KLF12: variants seen among roughly 807,000 people sequenced by gnomAD.
KLF12 encodes the protein KLF transcription factor 12.
KLF12 carries 9 observed loss-of-function variants against 37.8 expected under a neutral mutation model. The observed-to-expected ratio is 0.24, with a 90% CI of 0.14 to 0.42. The LOEUF (loss-of-function observed/expected upper bound fraction) is 0.42, where lower values mean the gene tolerates loss of function less well. Ranked by LOEUF, KLF12 falls within the 10% of genes least tolerant of loss-of-function variation. KLF12 has a pLI of 1.00. For synonymous variants in KLF12, 208 were observed against 202.1 expected (o/e 1.03, Z -0.25); for missense variants, 411 against 516.0 (o/e 0.80, Z 1.97).
chr13:74,295,367 A>G, the KLF12 span, among the ~76,000 whole-genome samples: 35 of 152,208 alleles, frequency 2.3e-4, no homozygotes, highest in African/African-American at 8.4e-4. Context: ...CTTTCCCAAT[A>G]TATCTGTGGA....
chr13:73,983,962 C>A (rs894969880), intron 2 of KLF12, among the ~76,000 whole-genome samples: 1 of 152,198 alleles, frequency 6.6e-6, no homozygotes, highest in African/African-American at 2.4e-5. Flanking sequence ...CATGTGGAGA[C>A]GTCCATTCAT....
intron 3 of KLF12, among the ~76,000 whole-genome samples, chr13:73,875,608 A>G (rs2138907854): frequency 6.6e-6 from 1 of 152,210 alleles, no homozygotes; most frequent in East Asian, 1.9e-4. Context: ...TGTTTATTCC[A>G]TTTACCCTAT....
chr13:73,788,450 T>C (rs1027958646), intron 5 of KLF12, among the ~76,000 whole-genome samples: 3 of 152,146 alleles, frequency 2.0e-5, no homozygotes, highest in African/African-American at 4.8e-5. Context: ...ACAATAAATA[T>C]ACCTACCTCT....
At chr13:73,904,469 CTTTTTTTTTTT>C (rs11342071) in intron 3 of KLF12, among the ~76,000 whole-genome samples, 2 of 92,030 alleles carry the variant, frequency 2.2e-5, no homozygotes, top group African/African-American at 9.0e-5. Context: ...TCTTTCTTTC[CTTTTTTTTTTT>C]TTTTTTTTTT....
intron 3 of KLF12, among the ~76,000 whole-genome samples, chr13:73,889,853 C>A (rs17286391): frequency 0.024 from 3,611 of 152,104 alleles, 63 homozygotes; most frequent in Admixed American, 0.035. Context: ...TATAACCATG[C>A]TTTTCCAAAC....
chr13:73,765,907 G>T (rs1879881221), intron 5 of KLF12, among the ~76,000 whole-genome samples: 1 of 152,134 alleles, frequency 6.6e-6, no homozygotes, highest in East Asian at 1.9e-4. Context: ...ATATAAAACT[G>T]GTCTTAAAGT....
intron 1 of KLF12, among the ~76,000 whole-genome samples, chr13:74,098,778 C>T (rs1159683778): frequency 6.6e-6 from 1 of 152,164 alleles, no homozygotes; most frequent in Non-Finnish European, 1.5e-5. Context: ...ATAGGCTTAA[C>T]ATTTTTTAGA....
chr13:73,938,035 G>A (rs1042146419), intron 3 of KLF12, among the ~76,000 whole-genome samples: 3 of 152,178 alleles, frequency 2.0e-5, no homozygotes, highest in African/African-American at 4.8e-5. Flanking sequence ...CAGGTCATCA[G>A]AGAATATTAA....
intron 3 of KLF12, among the ~76,000 whole-genome samples, chr13:73,872,696 T>C (rs1886526788): frequency 6.6e-6 from 1 of 152,250 alleles, no homozygotes; most frequent in Non-Finnish European, 1.5e-5. Context: ...GAATCTATTC[T>C]AACTGATCGG....
intron 2 of KLF12, among the ~76,000 whole-genome samples, chr13:73,952,744 C>A (rs1477360810): frequency 6.6e-6 from 1 of 152,042 alleles, no homozygotes; most frequent in Non-Finnish European, 1.5e-5. Context: ...CAGGTGGTGA[C>A]GAGTCATGAA....
intron 3 of KLF12, among the ~76,000 whole-genome samples, chr13:73,857,787 GCAAAGA>G (rs1475857220): frequency 6.6e-6 from 1 of 152,160 alleles, no homozygotes; most frequent in Non-Finnish European, 1.5e-5. Context: ...TTTTAAAGGT[GCAAAGA>G]ACAGAGACCT....
chr13:74,203,548 T>C, the KLF12 span, among the ~76,000 whole-genome samples: 1 of 152,072 alleles, frequency 6.6e-6, no homozygotes, highest in Non-Finnish European at 1.5e-5. Flanking sequence ...AAAAAGGTAA[T>C]GCTTATGAAT....
intron 3 of KLF12, among the ~76,000 whole-genome samples, chr13:73,908,032 G>C (rs1404282978): frequency 3.9e-5 from 6 of 152,110 alleles, no homozygotes; most frequent in Non-Finnish European, 8.8e-5. Context: ...TTAACTGCCT[G>C]ACTTAGTCTA....
intron 1 of KLF12, among the ~76,000 whole-genome samples, chr13:74,035,261 C>T (rs1893218350): frequency 6.6e-6 from 1 of 152,182 alleles, no homozygotes; most frequent in Non-Finnish European, 1.5e-5. Context: ...ATGCCTAATA[C>T]AATGCAGATG....
At chr13:74,058,517 G>A (rs1006978144) in intron 1 of KLF12, among the ~76,000 whole-genome samples, 13 of 151,386 alleles carry the variant, frequency 8.6e-5, no homozygotes, top group Non-Finnish European at 1.0e-4. Flanking sequence ...CACCACGCCC[G>A]GCTAATTTTT....
chr13:73,892,610 C>T (rs1887561443), intron 3 of KLF12, among the ~76,000 whole-genome samples: 2 of 152,082 alleles, frequency 1.3e-5, no homozygotes, highest in South Asian at 2.1e-4. Context: ...AATCTAATGG[C>T]CATCAATAAG....
chr13:74,223,406 T>C, the KLF12 span, among the ~76,000 whole-genome samples: 1 of 152,220 alleles, frequency 6.6e-6, no homozygotes, highest in African/African-American at 2.4e-5. Flanking sequence ...AGTTTATGTG[T>C]CCCAGCATAG....
At chr13:73,872,450 G>T (rs765538235) in intron 3 of KLF12, among the ~76,000 whole-genome samples, 2 of 152,184 alleles carry the variant, frequency 1.3e-5, no homozygotes, top group Non-Finnish European at 2.9e-5. Context: ...CCTCAGTGCC[G>T]TATCTGAGGG....
chr13:74,278,789 G>A, the KLF12 span, among the ~76,000 whole-genome samples: 5 of 152,164 alleles, frequency 3.3e-5, no homozygotes, highest in Non-Finnish European at 7.4e-5. Context: ...ATTTTGAAAT[G>A]TAGCATCTAT....
Sources: allele counts gnomAD v4.1 joint callset (sites outside exome capture counted in the v4.1 genomes callset), GRCh38; gene constraint gnomAD v4.1.1; transcripts MANE v1.5; gene names NCBI Gene and HGNC (gene_info 2026-07-23, HGNC 2026-07-21).